Variants in VPS35 observed in about 807,000 individuals in gnomAD.
VPS35 encodes VPS35 retromer complex component, also known as vacuolar protein sorting-associated protein 35.
A neutral mutation model predicts 98.1 loss-of-function variants in VPS35; 21 were observed. The observed-to-expected ratio is 0.21, with a 90% CI of 0.15 to 0.31. VPS35 has a LOEUF of 0.31. Ranked by LOEUF, VPS35 falls within the 10% of genes least tolerant of loss-of-function variation. The pLI is 1.00. For synonymous variants in VPS35, 268 were observed against 318.2 expected (o/e 0.84, Z 1.68); for missense variants, 554 against 950.8 (o/e 0.58, Z 5.49).
chr16:46,676,207 T>C (rs1229164047), intron 8 of VPS35, among the ~76,000 whole-genome samples: 1 of 152,132 alleles, frequency 6.6e-6, no homozygotes, highest in East Asian at 1.9e-4. Flanking sequence ...ATCTTACGGC[T>C]ACTCTAAATC....
At chr16:46,673,142 T>A (rs879333166) in intron 10 of VPS35, among the ~76,000 whole-genome samples, 8 of 152,076 alleles carry the variant, frequency 5.3e-5, no homozygotes, top group Non-Finnish European at 1.0e-4. Flanking sequence ...ATTTTTAATT[T>A]TATTTTTTAT....
At chr16:46,681,546 A>C (rs775956274) in intron 3 of VPS35, 46 bp from the exon 4 acceptor site, 52 of 1,607,228 alleles carry the variant, frequency 3.2e-5, no homozygotes, top group Non-Finnish European at 3.9e-5. Context: ...AGCCAACCTA[A>C]ACAAAACTTT....
chr16:46,663,884 T>C (rs1045822449), intron 13 of VPS35, among the ~76,000 whole-genome samples: 1 of 119,774 alleles, frequency 8.3e-6, no homozygotes, highest in Non-Finnish European at 1.7e-5. Flanking sequence ...TTTTTTTTTT[T>C]TTTTTTTGTA....
At chr16:46,688,665 G>C in intron 1 of VPS35, 1 of 1,055,440 alleles carries the variant, frequency 9.5e-7, no homozygotes, top group Non-Finnish European at 1.1e-6. Flanking sequence ...ACCCCTCCAG[G>C]AGGGCGTGGG....
intron 14 of VPS35, 98 bp downstream of exon 14, chr16:46,662,885 A>C: frequency 7.3e-7 from 1 of 1,375,576 alleles, no homozygotes; most frequent in Middle Eastern, 2.0e-4. Context: ...ACATTCAGTA[A>C]AAGAAGAGTA....
chr16:46,665,557 T>C (rs146545479), intron 13 of VPS35, among the ~76,000 whole-genome samples: 2 of 147,222 alleles, frequency 1.4e-5, no homozygotes, highest in African/African-American at 5.0e-5. Context: ...ATCATACCAC[T>C]GTATCCCAGT....
Position 46,657,360 on chromosome 16 carries a change from G to A in VPS35, c.*3112C>T, listed in dbSNP as rs1027518888. On this transcript the variant is annotated 3_prime_UTR_variant, in exon 17 of 17. Transcript: ENST00000299138. ...TTCTGTTGGGAAATCCTTTCTGCTTGAGCTTATTACCTTGAGGTCTCTGAA... is the reference window on the plus strand; with the variant it reads ...TTCTGTTGGGAAATCCTTTCTGCTTAAGCTTATTACCTTGAGGTCTCTGAA... 2 of 152,180 alleles carry A rather than the reference G, an allele frequency of 1.3e-5. No individual in the cohort carries two copies. Among genetic ancestry groups the A allele is most frequent in the African/African-American group, 2.4e-5 (1 of 41,436 alleles). 9.4% of individuals were successfully genotyped at this position (152,180 alleles called of 1,614,324 possible).
At position 46,674,682 on chromosome 16, in the gene VPS35, C is replaced by T. The variant is rs547075243; in HGVS notation, c.915-22G>A. The T allele has an allele frequency of 9.5e-5, 138 of 1,448,108 alleles. 1 individual carries two copies. In the Admixed American group the frequency reaches 9.7e-4, roughly 10 times the overall value. 89.7% of individuals were successfully genotyped at this position (1,448,108 alleles called of 1,614,324 possible). On this transcript the variant is annotated intron_variant, in intron 8 of 16. Transcript: ENST00000299138. ...TAATCTAAAAAAAAAAAAAACACCC[C>T]TTTATTTTAAAAGATACAGGGTTTG... is the stretch of plus-strand genomic sequence containing the variant.
Position 46,689,151 on chromosome 16 carries a change from T to C in VPS35, c.-18A>G, listed in dbSNP as rs767812765. On this transcript the variant is annotated 5_prime_UTR_variant, in exon 1 of 17. Coordinates refer to ENST00000299138, the MANE Select transcript of VPS35 (RefSeq NM_018206.6). ...CTCACCATGGCGACTCCCCAGAGCCTGCAGCAAGCAGCACCCGCCCCGCGC... is the reference window on the plus strand; with the variant it reads ...CTCACCATGGCGACTCCCCAGAGCCCGCAGCAAGCAGCACCCGCCCCGCGC... The C allele has an allele frequency of 2.1e-5, 33 of 1,608,118 alleles. No individual in the cohort carries two copies. The highest frequency in any genetic ancestry group is 2.7e-5 in the Non-Finnish European group (32 of 1,178,296).
chr16:46,662,903 G>A (rs1965934171), intron 14 of VPS35, 80 bp downstream of exon 14: 2 of 1,495,506 alleles, frequency 1.3e-6, no homozygotes, highest in African/African-American at 2.8e-5. Context: ...GTAAATTCAT[G>A]TGCATTACCA....
intron 13 of VPS35, among the ~76,000 whole-genome samples, chr16:46,665,905 C>G (rs902913364): frequency 6.6e-6 from 1 of 152,012 alleles, no homozygotes; most frequent in Non-Finnish European, 1.5e-5. Context: ...GTCCTCCTGC[C>G]CTAGCCTCTT....
At chr16:46,669,253 T>C (rs1361052566) in intron 12 of VPS35, 1 of 650,382 alleles carries the variant, frequency 1.5e-6, no homozygotes, top group South Asian at 1.9e-5. Flanking sequence ...ATTTCACAAA[T>C]GGGGAAGCCT....
At position 46,661,661 on chromosome 16, in the gene VPS35, C is replaced by G; in HGVS notation, c.2211+57G>C. ...TAAACTTTTGTACATATCAAATCTC[C>G]TAAGAGTAGGAAGGGAAAATATTAG... is the stretch of plus-strand genomic sequence containing the variant. On this transcript the variant is annotated intron_variant, in intron 16 of 16. Transcript: ENST00000299138. The surrounding 1 kb of genome is among the most constrained non-coding windows in gnomAD (Gnocchi z 4.3). The G allele has an allele frequency of 6.7e-7, 1 of 1,498,924 alleles. No homozygotes were observed. Among genetic ancestry groups the G allele is most frequent in the Non-Finnish European group, 9.3e-7 (1 of 1,078,424 alleles). 92.9% of individuals were successfully genotyped at this position (1,498,924 alleles called of 1,614,324 possible).
In VPS35 at chr16:46,679,147, T is replaced by G; in HGVS notation, c.516A>C (p.Thr172=). 1 of 1,609,118 alleles carries G rather than the reference T, an allele frequency of 6.2e-7. No homozygotes were observed. Among genetic ancestry groups the G allele is most frequent in the Non-Finnish European group, 8.5e-7 (1 of 1,177,056 alleles). The change falls in exon 6 of 17, where the codon ACA becomes ACC. Residue 172 remains threonine, a synonymous_variant. Transcript: ENST00000299138. The part of the protein sequence containing the change: ...PDEGEPTDEE[T]TGDISDSMDF... ...CCATGGAATCACTGATGTCACCAGT[T>G]GTTTCTTCACTGCAAAGAAACAGAA... is the stretch of plus-strand genomic sequence containing the variant.
intron 8 of VPS35, 21 bp downstream of exon 8, chr16:46,676,562 G>A (rs753797315): frequency 2.5e-5 from 36 of 1,412,390 alleles, no homozygotes; most frequent in African/African-American, 7.1e-5. Context: ...GCATTTATCC[G>A]CCAGTGTTGG....
At position 46,660,309 on chromosome 16, in the gene VPS35, C is replaced by T; in HGVS notation, c.*163G>A. ...CCAAGTGAATAATTTTATTAAGGTC[C>T]TGAAGGTGAGTGTCCGGAGGTGCTG... On this transcript the variant is annotated 3_prime_UTR_variant, in exon 17 of 17. Coordinates refer to ENST00000299138, the MANE Select transcript of VPS35 (RefSeq NM_018206.6). 4.5e-6 allele frequency: 3 copies of T among 670,498 alleles called. No individual in the cohort carries two copies. The East Asian group carries it at 9.9e-5, about 22-fold the overall frequency. 41.5% of individuals were successfully genotyped at this position (670,498 alleles called of 1,614,324 possible).
At chr16:46,662,195 C>A in intron 15 of VPS35, 48 bp downstream of exon 15, 3 of 1,613,604 alleles carry the variant, frequency 1.9e-6, no homozygotes, top group Admixed American at 1.7e-5. Context: ...GACAACTGAT[C>A]CCTGTTATGG....
chr16:46,680,380 A>T (rs923945939), intron 5 of VPS35, among the ~76,000 whole-genome samples: 3 of 152,240 alleles, frequency 2.0e-5, no homozygotes, highest in Admixed American at 6.5e-5. Flanking sequence ...CAACTCTCTT[A>T]AAAAAGTTTT....
At position 46,662,315 on chromosome 16, in the gene VPS35, A is replaced by T; in HGVS notation, c.1995T>A (p.Asp665Glu). 6.2e-7 allele frequency: 1 copy of T among 1,614,142 alleles called. No individual in the cohort carries two copies. Among genetic ancestry groups the T allele is most frequent in the Non-Finnish European group, 8.5e-7 (1 of 1,180,038 alleles). The change falls in exon 15 of 17, where the codon GAT becomes GAA. Residue 665 changes from aspartate to glutamate, a missense_variant. Physicochemically the swap from Asp to Glu is conservative, Grantham distance 45. Transcript: ENST00000299138. ...CACAGGTGCTCACAGCTCGGCCCTG[A>T]TCAGGTTTCTTTAGAAGTTTGGATG... is the stretch of plus-strand genomic sequence containing the variant. ...LAASKLLKKP[D>E]QGRAVSTCAH... is the part of the protein sequence containing the mutation.
Sources: gnomAD v4.1 joint callset for allele counts (sites outside exome capture counted in the v4.1 genomes callset) on GRCh38, gnomAD v4.1.1 for gene constraint, Gnocchi (gnomAD v3.1) non-coding constraint, MANE v1.5 for transcripts, NCBI Gene and HGNC (gene_info 2026-07-23, HGNC 2026-07-21) for gene names.